The following MTDH variants were observed in gnomAD, a reference collection of about 807,000 sequenced individuals.
The protein encoded by MTDH is metadherin, also known as protein LYRIC.
In MTDH, 34 loss-of-function variants were observed where a neutral mutation model predicts 72.7. The ratio of observed to expected loss-of-function variants is 0.47; its 90% confidence interval spans 0.36 to 0.62. The LOEUF is 0.62. MTDH is among the 20% of genes least tolerant of loss of function. The probability of loss-of-function intolerance (pLI) is 0.00; values close to 1 mark genes in which losing one functional copy is unlikely to be tolerated. For missense variants in MTDH, 677 were observed against 699.4 expected, an observed-to-expected ratio of 0.97 and a Z score of 0.36; for synonymous variants, 266 against 268.9, an observed-to-expected ratio of 0.99 and a Z score of 0.10.
intron 2 of MTDH, among the ~76,000 whole-genome samples, chr8:97,669,550 C>A (rs529634548): frequency 9.2e-5 from 14 of 151,636 alleles, no homozygotes; most frequent in African/African-American, 3.2e-4. Context: ...TATCCCCAGT[C>A]CCCCTGCAAC....
intron 1 of MTDH, among the ~76,000 whole-genome samples, 172 bp from the exon 2 acceptor site, chr8:97,660,900 T>TATATAA (rs1812149708): frequency 8.5e-6 from 1 of 117,510 alleles, no homozygotes; most frequent in Admixed American, 8.2e-5. Flanking sequence ...TATATATATA[T>TATATAA]AAACACTAGG....
At chr8:97,646,110 T>G (rs754686396) in intron 1 of MTDH, among the ~76,000 whole-genome samples, 1 of 152,184 alleles carries the variant, frequency 6.6e-6, no homozygotes, top group Non-Finnish European at 1.5e-5. Context: ...AGGAGACATT[T>G]CACTGGAGGG....
intron 6 of MTDH, among the ~76,000 whole-genome samples, chr8:97,697,142 A>ATTT (rs1563554116): frequency 2.6e-5 from 2 of 76,886 alleles, no homozygotes; most frequent in African/African-American, 1.9e-4. Flanking sequence ...ATATATATAT[A>ATTT]TATATATATT....
intron 6 of MTDH, among the ~76,000 whole-genome samples, chr8:97,695,262 T>C (rs911896464): frequency 1.3e-5 from 2 of 151,984 alleles, no homozygotes; most frequent in African/African-American, 4.8e-5. Context: ...TACAGGCACG[T>C]GTCACCATGC....
intron 8 of MTDH, among the ~76,000 whole-genome samples, chr8:97,713,187 C>G (rs1814704189): frequency 1.3e-5 from 2 of 152,134 alleles, no homozygotes; most frequent in South Asian, 4.1e-4. Context: ...TGGGTTCACG[C>G]CATTCTCCTG....
intron 6 of MTDH, among the ~76,000 whole-genome samples, chr8:97,697,150 A>ATATATATATATTTTTTTTTTTTTTTTT: frequency 1.5e-5 from 1 of 68,838 alleles, no homozygotes; most frequent in Non-Finnish European, 2.5e-5. Flanking sequence ...ATATATATAT[A>ATATATATATATTTTTTTTTTTTTTTTT]TTTTTTTTTT....
intron 8 of MTDH, among the ~76,000 whole-genome samples, chr8:97,710,359 G>A (rs1814571992): frequency 1.3e-5 from 2 of 152,080 alleles, no homozygotes; most frequent in Admixed American, 6.6e-5. Flanking sequence ...TTTTTCCATA[G>A]AAAGTTAAAC....
intron 1 of MTDH, among the ~76,000 whole-genome samples, chr8:97,651,265 A>G (rs1586199446): frequency 6.6e-6 from 1 of 152,226 alleles, no homozygotes; most frequent in East Asian, 1.9e-4. Flanking sequence ...GATTCATATC[A>G]TTGAACTCAC....
In MTDH at chr8:97,719,117, A is replaced by C; in HGVS notation, c.1449A>C (p.Lys483Asn). 6.2e-7 allele frequency: 1 copy of C among 1,614,008 alleles called. No individual in the cohort carries two copies. The highest frequency in any genetic ancestry group is 8.5e-7 in the Non-Finnish European group (1 of 1,179,864). The change falls in exon 10 of 12, where the codon AAA (lysine) becomes AAC (asparagine). Residue 483 changes from lysine to asparagine, a missense_variant. By Grantham distance (94) the Lys-to-Asn change is moderately conservative (BLOSUM62 0). This residue lies in a region of MTDH where 201 missense variants were observed against 204.5 expected (regional missense o/e 0.98). Transcript: ENST00000336273. The stretch of plus-strand genomic sequence containing the variant: ...TGAATACCTCTAAAACCCGTCCAAA[A>C]CAGGAAAAAGCTTTTTCCTTGAAGA... ...LPVNTSKTRP[K>N]QEKAFSLKTI...
chr8:97,729,018 A>G lies in MTDH; in HGVS notation c.*4348A>G, dbSNP rs971869870. 2.0e-5 allele frequency among the ~76,000 whole-genome samples: 3 copies of G among 148,724 alleles called. No individual in the cohort carries two copies. The highest frequency in any genetic ancestry group is 3.0e-5 in the Non-Finnish European group (2 of 67,576). ...CCTGGAACTCCCGGGCTCGAGCTAT[A>G]TTCTCCCACTTTAGCCTCAGCCTCC... On this transcript the variant is annotated 3_prime_UTR_variant, in exon 12 of 12. Transcript: ENST00000336273.
At chr8:97,670,744 A>G (rs1266369149) in intron 2 of MTDH, among the ~76,000 whole-genome samples, 3 of 152,184 alleles carry the variant, frequency 2.0e-5, no homozygotes, top group Non-Finnish European at 4.4e-5. Context: ...GCTTCTCAGG[A>G]GGCCTCTGGG....
At chr8:97,691,655 G>C (rs1165670053) in intron 6 of MTDH, among the ~76,000 whole-genome samples, 1 of 152,070 alleles carries the variant, frequency 6.6e-6, no homozygotes, top group Non-Finnish European at 1.5e-5. Flanking sequence ...GTTTATTTCT[G>C]TTGAGAGCTA....
At chr8:97,707,666 A>C (rs1376229205) in intron 8 of MTDH, among the ~76,000 whole-genome samples, 1 of 151,836 alleles carries the variant, frequency 6.6e-6, no homozygotes, top group Non-Finnish European at 1.5e-5. Flanking sequence ...ATTTGTAGGA[A>C]CTAATGCTGG....
intron 2 of MTDH, among the ~76,000 whole-genome samples, chr8:97,685,587 C>T (rs2130996730): frequency 6.6e-6 from 1 of 152,064 alleles, no homozygotes; most frequent in East Asian, 1.9e-4. Context: ...TGGTGAAGCC[C>T]TGTCTCTACT....
chr8:97,681,652 C>T (rs1369841291), intron 2 of MTDH, among the ~76,000 whole-genome samples: 3 of 151,868 alleles, frequency 2.0e-5, no homozygotes, highest in Non-Finnish European at 4.4e-5. Flanking sequence ...CACCAGCACG[C>T]TTGGCTGATT....
rs1333127142 is a variant in MTDH, at chr8:97,723,015, A to G, written c.1658A>G (p.Asn553Ser). 3.1e-6 allele frequency: 5 copies of G among 1,613,874 alleles called. No homozygotes were observed. Among genetic ancestry groups the G allele is most frequent in the Non-Finnish European group, 4.2e-6 (5 of 1,179,958 alleles). ...AAATCCAAGTCAAATACCAAGCAAA[A>G]TAGTGTGCCTCCTTCACAGAGTAAG... Reference protein sequence around the residue: ...TDKSKSNTKQNSVPPSQTKSE... With the variant: ...TDKSKSNTKQSSVPPSQTKSE... The change falls in exon 11 of 12, where the codon AAT becomes AGT. Residue 553 changes from asparagine (N) to serine (S), a missense_variant. This residue lies in a region of MTDH where 201 missense variants were observed against 204.5 expected (regional missense o/e 0.98). Transcript: ENST00000336273.
chr8:97,681,890 C>G (rs1055373236), intron 2 of MTDH, among the ~76,000 whole-genome samples: 1 of 151,954 alleles, frequency 6.6e-6, no homozygotes, highest in Admixed American at 6.6e-5. Flanking sequence ...TATGTATACT[C>G]GGCTCCTAAA....
chr8:97,649,953 C>G (rs1467596300), intron 1 of MTDH, among the ~76,000 whole-genome samples: 2 of 149,918 alleles, frequency 1.3e-5, no homozygotes, highest in Non-Finnish European at 3.0e-5. Context: ...CTACCAATTT[C>G]TTTTCTTTTC....
At chr8:97,689,163 T>C in intron 5 of MTDH, 60 bp downstream of exon 5, 1 of 865,662 alleles carries the variant, frequency 1.2e-6, no homozygotes, top group Non-Finnish European at 1.8e-6. Flanking sequence ...TTTATATACA[T>C]ACCTCTTTCC....
Sources: gnomAD v4.1 joint callset for allele counts (sites outside exome capture counted in the v4.1 genomes callset) on GRCh38, gnomAD v4.1.1 for gene constraint, gnomAD v4.1.1 regional missense constraint, MANE v1.5 for transcripts, NCBI Gene and HGNC (gene_info 2026-07-23, HGNC 2026-07-21) for gene names.